The following CDH13 variants were observed in gnomAD, a reference collection of about 807,000 sequenced individuals.
CDH13 encodes cadherin-13.
In CDH13, 24 loss-of-function variants were observed where a neutral mutation model predicts 63.8. The observed-to-expected ratio is 0.38, with a 90% CI of 0.27 to 0.53. The LOEUF is 0.53. Among genes scored for constraint, CDH13 ranks in the 20% least tolerant of loss-of-function variants. The pLI is 0.85. For synonymous variants in CDH13, 503 were observed against 355.3 expected (o/e 1.42, Z -4.67); for missense variants, 1,049 against 903.1 (o/e 1.16, Z -2.07).
chr16:83,574,566 C>T (rs1904934613), intron 7 of CDH13, among the ~76,000 whole-genome samples: 1 of 152,212 alleles, frequency 6.6e-6, no homozygotes, highest in African/African-American at 2.4e-5. Flanking sequence ...ACTTACCAAC[C>T]ACACACCTGT....
intron 1 of CDH13, among the ~76,000 whole-genome samples, chr16:82,633,499 C>G (rs1046161124): frequency 1.3e-5 from 2 of 152,230 alleles, no homozygotes; most frequent in African/African-American, 2.4e-5. Flanking sequence ...GTGCCTCAGC[C>G]TCCCAAGTAG....
At chr16:82,961,064 C>T (rs1036737946) in intron 2 of CDH13, among the ~76,000 whole-genome samples, 6 of 152,134 alleles carry the variant, frequency 3.9e-5, no homozygotes, top group African/African-American at 7.2e-5. Flanking sequence ...ATGCATCTGT[C>T]GATAGCCACA....
intron 10 of CDH13, among the ~76,000 whole-genome samples, chr16:83,727,896 G>T (rs898206084): frequency 6.6e-6 from 1 of 152,132 alleles, no homozygotes; most frequent in Non-Finnish European, 1.5e-5. Flanking sequence ...TAATGGGCTC[G>T]CTTCTCAAAG....
chr16:83,499,859 A>G (rs1266059700), intron 7 of CDH13, among the ~76,000 whole-genome samples: 2 of 152,190 alleles, frequency 1.3e-5, no homozygotes, highest in Admixed American at 6.5e-5. Flanking sequence ...CTGTAGTGCA[A>G]TGGCACGATC....
intron 6 of CDH13, among the ~76,000 whole-genome samples, chr16:83,443,927 G>A (rs12443687): frequency 2.6e-4 from 38 of 145,050 alleles, no homozygotes; most frequent in Admixed American, 6.8e-4. Context: ...AGAGGAAACC[G>A]TTTCTAAAAA....
intron 2 of CDH13, among the ~76,000 whole-genome samples, chr16:82,865,128 G>T (rs900125604): frequency 6.6e-6 from 1 of 152,220 alleles, no homozygotes; most frequent in African/African-American, 2.4e-5. Context: ...ATGGCTTTGT[G>T]GGGTACAGCC....
At chr16:83,508,837 C>T (rs888797531) in intron 7 of CDH13, among the ~76,000 whole-genome samples, 3 of 152,192 alleles carry the variant, frequency 2.0e-5, no homozygotes, top group African/African-American at 7.2e-5. Flanking sequence ...CTCTTGTCTT[C>T]TATATTTTAG....
rs74033156 is a variant in CDH13 at position 83,106,104 on chromosome 16, C to A, written c.367-19281C>A. Reference sequence around the variant, plus strand: ...TACAGGACTTTTAAAATGTTCATAACCTTTGATCCAGTAACACCTCTTTTG... The same window carrying A: ...TACAGGACTTTTAAAATGTTCATAAACTTTGATCCAGTAACACCTCTTTTG... On this transcript the variant is annotated intron_variant, in intron 3 of 13. Coordinates refer to ENST00000567109, the MANE Select transcript of CDH13 (RefSeq NM_001257.5). Among the ~76,000 whole-genome samples, 3 of 152,226 alleles carry A rather than the reference C, an allele frequency of 2.0e-5. No homozygotes were observed. The South Asian group carries it at 6.2e-4, about 32-fold the overall frequency.
chr16:83,644,374 C>T (rs1311518931), intron 8 of CDH13, among the ~76,000 whole-genome samples: 1 of 152,128 alleles, frequency 6.6e-6, no homozygotes, highest in African/African-American at 2.4e-5. Context: ...CATAAATGGA[C>T]ATTTTGATGG....
chr16:82,858,821 G>A (rs17673191), intron 2 of CDH13: 13,882 of 348,162 alleles, frequency 0.04, 373 homozygotes, highest in Non-Finnish European at 0.056. Context: ...TTGCCTTCTC[G>A]CAGATTGCTG....
rs1290074728 is a variant in CDH13, at chr16:83,783,283, A to T, written c.1945A>T (p.Asn649Tyr). The T allele has an allele frequency of 1.2e-6, 2 of 1,613,994 alleles. No homozygotes were observed. The highest frequency in any genetic ancestry group is 1.7e-6 in the Non-Finnish European group (2 of 1,179,874). ...NTHALVSLLQ[N>Y]LNKANYNLPI... Reference sequence around the variant, plus strand: ...ACACGCCCTGGTAAGCCTTCTTCAAAATCTGAACAAAGCAAACTACAACCT... The same window carrying T: ...ACACGCCCTGGTAAGCCTTCTTCAATATCTGAACAAAGCAAACTACAACCT... The change falls in exon 13 of 14, where the codon AAT (asparagine) becomes TAT (tyrosine). Residue 649 changes from asparagine to tyrosine, a missense_variant. By Grantham distance (143) the Asn-to-Tyr change is moderately radical. Transcript: ENST00000567109.
chr16:83,164,880 C>CGTT (rs2037597303), intron 4 of CDH13, among the ~76,000 whole-genome samples: 1 of 138,824 alleles, frequency 7.2e-6, no homozygotes, highest in South Asian at 2.2e-4. Context: ...ACAAAGTGGA[C>CGTT]ATTATTATCT....
chr16:83,138,033 T>C (rs1826800462), intron 4 of CDH13, among the ~76,000 whole-genome samples: 2 of 152,088 alleles, frequency 1.3e-5, no homozygotes, highest in Admixed American at 1.3e-4. Flanking sequence ...TTGGCCCACT[T>C]CTGCAACCAG....
chr16:82,797,834 TC>T (rs34257035), intron 1 of CDH13, among the ~76,000 whole-genome samples: 1 of 151,796 alleles, frequency 6.6e-6, no homozygotes, highest in Non-Finnish European at 1.5e-5. Context: ...TACATACTTT[TC>T]CCCCTGTAAT....
At chr16:83,285,207 A>C (rs1245182132) in intron 5 of CDH13, among the ~76,000 whole-genome samples, 1 of 152,234 alleles carries the variant, frequency 6.6e-6, no homozygotes, top group Non-Finnish European at 1.5e-5. Flanking sequence ...AGTCCTACCC[A>C]GAAGGAAGAA....
At chr16:82,842,548 A>T (rs947051320) in intron 1 of CDH13, among the ~76,000 whole-genome samples, 13 of 152,168 alleles carry the variant, frequency 8.5e-5, no homozygotes, top group Non-Finnish European at 5.9e-5. Flanking sequence ...GACTCAGTTA[A>T]TTCTAATCTC....
intron 1 of CDH13, among the ~76,000 whole-genome samples, chr16:82,791,991 A>G (rs2036329943): frequency 6.6e-6 from 1 of 152,070 alleles, no homozygotes; most frequent in African/African-American, 2.4e-5. Context: ...GGGGATTACA[A>G]TTCAAGATGA....
At chr16:83,437,544 G>A (rs1376429458) in intron 6 of CDH13, among the ~76,000 whole-genome samples, 2 of 151,912 alleles carry the variant, frequency 1.3e-5, no homozygotes, top group Admixed American at 6.6e-5. Flanking sequence ...GGGCGTAGTG[G>A]GACATGCCTG....
intron 6 of CDH13, among the ~76,000 whole-genome samples, chr16:83,473,418 C>G (rs548407184): frequency 1.3e-5 from 2 of 152,206 alleles, no homozygotes; most frequent in African/African-American, 4.8e-5. Flanking sequence ...TGGTATTTCA[C>G]TATCCTGGCT....
Sources: allele counts gnomAD v4.1 joint callset (sites outside exome capture counted in the v4.1 genomes callset), GRCh38; gene constraint gnomAD v4.1.1; transcripts MANE v1.5; gene names NCBI Gene and HGNC (gene_info 2026-07-23, HGNC 2026-07-21).